Variants in RSU1 observed in about 807,000 individuals in gnomAD.
RSU1 encodes Ras suppressor protein 1.
In RSU1, 26 loss-of-function variants were observed where a neutral mutation model predicts 31.1. That is an observed-to-expected ratio of 0.84 (90% confidence interval 0.61 to 1.16). The LOEUF (loss-of-function observed/expected upper bound fraction) is 1.16, where lower values mean the gene tolerates loss of function less well. Among genes scored for constraint, RSU1 ranks in the 50% most tolerant of loss-of-function variants. The pLI, the probability that RSU1 is intolerant of heterozygous loss-of-function variation, is 0.00. For missense variants in RSU1, 320 were observed against 339.1 expected (o/e 0.94, Z 0.44); for synonymous variants, 164 against 136.3 (o/e 1.20, Z -1.41).
chr10:16,615,692 G>A (rs993324927), intron 8 of RSU1, among the ~76,000 whole-genome samples: 1 of 152,186 alleles, frequency 6.6e-6, no homozygotes, highest in Non-Finnish European at 1.5e-5. Context: ...TCAGACCACA[G>A]TGCAATCAAA....
Position 16,755,862 on chromosome 10 carries a change from A to G in RSU1, c.282-873T>C, listed in dbSNP as rs555698390. Among the ~76,000 whole-genome samples, 75 of 152,334 alleles carry G rather than the reference A, an allele frequency of 4.9e-4. 2 individuals carry two copies. In the South Asian group the frequency reaches 0.015, roughly 31 times the overall value. ...TGTGGTATGTTGTCCTATTTAGGCT[A>G]ATAATTTCAGTCAGACAGCTTACAT... On this transcript the variant is annotated intron_variant, in intron 4 of 8. Transcript: ENST00000345264.
intron 7 of RSU1, among the ~76,000 whole-genome samples, chr10:16,720,427 T>C (rs955577452): frequency 1.4e-4 from 22 of 152,304 alleles, no homozygotes; most frequent in South Asian, 8.3e-4. Flanking sequence ...TCATGACAGA[T>C]AGTGGCAGAA....
intron 7 of RSU1, among the ~76,000 whole-genome samples, chr10:16,748,837 C>T (rs1836912899): frequency 6.8e-6 from 1 of 145,998 alleles, no homozygotes; most frequent in African/African-American, 2.7e-5. Context: ...ATTACCCGTT[C>T]CCCAGCCGGG....
intron 7 of RSU1, among the ~76,000 whole-genome samples, chr10:16,703,864 A>T (rs1265995223): frequency 2.0e-5 from 3 of 152,242 alleles, no homozygotes; most frequent in Admixed American, 6.5e-5. Flanking sequence ...CAGATCATAA[A>T]TGCTACCCTT....
intron 7 of RSU1, among the ~76,000 whole-genome samples, chr10:16,744,159 G>C (rs1324988669): frequency 1.3e-5 from 2 of 150,992 alleles, no homozygotes; most frequent in Non-Finnish European, 2.9e-5. Flanking sequence ...AGAAAGAAAA[G>C]ATTTCATATA....
At chr10:16,690,919 T>TA (rs1835536287) in intron 8 of RSU1, among the ~76,000 whole-genome samples, 1 of 152,042 alleles carries the variant, frequency 6.6e-6, no homozygotes, top group Non-Finnish European at 1.5e-5. Flanking sequence ...GATAGACAAA[T>TA]ACACATCCGC....
At chr10:16,724,436 A>G (rs531494468) in intron 7 of RSU1, among the ~76,000 whole-genome samples, 11 of 152,352 alleles carry the variant, frequency 7.2e-5, no homozygotes, top group Admixed American at 5.2e-4. Flanking sequence ...GGAGGGCATT[A>G]GCAATGAACA....
At chr10:16,640,217 T>A (rs1446324011) in intron 8 of RSU1, among the ~76,000 whole-genome samples, 5 of 152,112 alleles carry the variant, frequency 3.3e-5, no homozygotes, top group Non-Finnish European at 5.9e-5. Flanking sequence ...TAATTTTAGA[T>A]CCTGTATTTA....
At chr10:16,785,405 T>C (rs938835229) in intron 2 of RSU1, among the ~76,000 whole-genome samples, 1 of 135,856 alleles carries the variant, frequency 7.4e-6, no homozygotes, top group Admixed American at 7.4e-5. Context: ...TCTCTATCTT[T>C]CTATATATAT....
At chr10:16,752,144 T>G in intron 7 of RSU1, among the ~76,000 whole-genome samples, 1 of 152,148 alleles carries the variant, frequency 6.6e-6, no homozygotes, top group Non-Finnish European at 1.5e-5. Flanking sequence ...AATAAAAATT[T>G]AAGGGGTTAA....
chr10:16,792,238 A>G (rs939569584), intron 2 of RSU1, among the ~76,000 whole-genome samples: 11 of 152,190 alleles, frequency 7.2e-5, no homozygotes, highest in African/African-American at 2.6e-4. Flanking sequence ...AGGATTCATC[A>G]CTTTTTTGTT....
At chr10:16,714,170 C>T (rs943856645) in intron 7 of RSU1, among the ~76,000 whole-genome samples, 8 of 152,156 alleles carry the variant, frequency 5.3e-5, no homozygotes, top group Non-Finnish European at 1.2e-4. Context: ...ATGGGTGTGG[C>T]TAGCTGAGCA....
At chr10:16,707,029 C>T (rs1196152172) in intron 7 of RSU1, among the ~76,000 whole-genome samples, 2 of 152,126 alleles carry the variant, frequency 1.3e-5, no homozygotes, top group African/African-American at 2.4e-5. Flanking sequence ...GATTATTTCA[C>T]AAAACATGAC....
chr10:16,611,089 G>A (rs962324407), intron 8 of RSU1, among the ~76,000 whole-genome samples: 5 of 152,168 alleles, frequency 3.3e-5, no homozygotes, highest in South Asian at 2.1e-4. Context: ...CCCAGCGCCC[G>A]GCTGGCTAGA....
intron 2 of RSU1, among the ~76,000 whole-genome samples, chr10:16,787,439 C>T (rs7074312): frequency 0.43 from 65,332 of 151,780 alleles, 17,099 homozygotes; most frequent in African/African-American, 0.75. Flanking sequence ...ACGGCTGCTC[C>T]CTTCACCAAG....
At chr10:16,609,667 C>A (rs576742084) in intron 8 of RSU1, among the ~76,000 whole-genome samples, 3 of 152,322 alleles carry the variant, frequency 2.0e-5, no homozygotes, top group Non-Finnish European at 4.4e-5. Context: ...CTGTAACAAT[C>A]GTCTCCTACT....
intron 8 of RSU1, among the ~76,000 whole-genome samples, chr10:16,673,233 G>A (rs1205138709): frequency 1.4e-5 from 2 of 138,762 alleles, no homozygotes; most frequent in East Asian, 2.1e-4. Context: ...GACCAGAAGC[G>A]CTGTGATACT....
At chr10:16,704,069 C>A (rs1028481893) in intron 7 of RSU1, among the ~76,000 whole-genome samples, 2 of 152,050 alleles carry the variant, frequency 1.3e-5, no homozygotes, top group African/African-American at 4.8e-5. Context: ...AAAAGAAAAT[C>A]CCTTTTCTTT....
At chr10:16,620,269 A>C (rs1312919385) in intron 8 of RSU1, among the ~76,000 whole-genome samples, 1 of 152,196 alleles carries the variant, frequency 6.6e-6, no homozygotes, top group African/African-American at 2.4e-5. Flanking sequence ...ATCTTGAAAA[A>C]ATGTAGGCTG....
Sources: allele counts gnomAD v4.1 joint callset (sites outside exome capture counted in the v4.1 genomes callset), GRCh38; gene constraint gnomAD v4.1.1; transcripts MANE v1.5; gene names NCBI Gene and HGNC (gene_info 2026-07-23, HGNC 2026-07-21).